LINGO2: variants seen among roughly 807,000 people sequenced by gnomAD.
LINGO2 encodes the protein leucine rich repeat and Ig domain containing 2.
In LINGO2, 14 loss-of-function variants were observed where a neutral mutation model predicts 30.6. The observed-to-expected ratio is 0.46, with a 90% CI of 0.30 to 0.72. LINGO2 has a LOEUF of 0.72. Among genes scored for constraint, LINGO2 ranks in the 30% least tolerant of loss-of-function variants. The pLI is 0.07. For missense variants in LINGO2, 729 were observed against 751.7 expected, an observed-to-expected ratio of 0.97 and a Z score of 0.35; for synonymous variants, 317 against 288.5, an observed-to-expected ratio of 1.10 and a Z score of -1.00.
chr9:28,720,743 T>C, the LINGO2 span, among the ~76,000 whole-genome samples: 30 of 152,062 alleles, frequency 2.0e-4, no homozygotes, highest in Non-Finnish European at 2.4e-4. Context: ...TGTTAGAAGA[T>C]TGGAGGAAGA....
chr9:28,827,731 G>A, the LINGO2 span, among the ~76,000 whole-genome samples: 1 of 152,048 alleles, frequency 6.6e-6, no homozygotes, highest in African/African-American at 2.4e-5. Flanking sequence ...AATTAGCAGT[G>A]ACAAATTAAA....
intron 3 of LINGO2, among the ~76,000 whole-genome samples, chr9:28,366,640 C>CA (rs1587550069): frequency 2.7e-5 from 4 of 145,690 alleles, no homozygotes; most frequent in East Asian, 2.0e-4. Context: ...TGAGGAAAAG[C>CA]AAAAGAAAAT....
chr9:28,424,980 A>C lies in LINGO2; in HGVS notation c.-279+50960T>G, dbSNP rs7028977. Reference sequence around the variant, plus strand: ...ATAAGGATAGTAATACCTGCCTTATAAAGCTATAGTGAGGACCAAATAATA... The same window carrying C: ...ATAAGGATAGTAATACCTGCCTTATCAAGCTATAGTGAGGACCAAATAATA... On this transcript the variant is annotated intron_variant, in intron 2 of 5. Coordinates refer to ENST00000379992, the Ensembl canonical transcript of LINGO2. 4.3e-3 allele frequency among the ~76,000 whole-genome samples: 653 copies of C among 152,172 alleles called. 7 individuals carry two copies. The highest frequency in any genetic ancestry group is 0.015 in the African/African-American group (604 of 41,526).
rs532001091 is a variant in LINGO2, at chr9:28,091,260, A to G, written c.-86-78855T>C. ...AAAAAAGAGCCTGCATTGCCAAGTC[A>G]ATGCTAAGCCAAAAGAACAAAGCTG... is the stretch of plus-strand genomic sequence containing the variant. On this transcript the variant is annotated intron_variant, in intron 4 of 5. Coordinates refer to ENST00000379992, the Ensembl canonical transcript of LINGO2. 1.2e-3 allele frequency among the ~76,000 whole-genome samples: 190 copies of G among 152,358 alleles called. 1 individual carries two copies. The highest frequency in any genetic ancestry group is 4.5e-3 in the African/African-American group (186 of 41,588).
intron 1 of LINGO2, among the ~76,000 whole-genome samples, chr9:28,477,282 T>G (rs1222463701): frequency 1.3e-5 from 2 of 152,144 alleles, no homozygotes; most frequent in Non-Finnish European, 2.9e-5. Context: ...TAGGGTATGA[T>G]CTAATTTAAT....
chr9:29,041,892 A>C, the LINGO2 span, among the ~76,000 whole-genome samples: 1 of 151,924 alleles, frequency 6.6e-6, no homozygotes, highest in Admixed American at 6.6e-5. Flanking sequence ...ATATTCACAC[A>C]CCCTCTATCT....
the LINGO2 span, among the ~76,000 whole-genome samples, chr9:29,206,247 T>A: frequency 6.6e-6 from 1 of 152,226 alleles, no homozygotes. Flanking sequence ...TTTCTAAGGA[T>A]AAACTTCTAA....
At chr9:28,863,782 T>A in the LINGO2 span, 1 of 382,094 alleles carries the variant, frequency 2.6e-6, no homozygotes, top group Non-Finnish European at 5.9e-6. Flanking sequence ...AGGAAGTATT[T>A]CCATCTAGTT....
chr9:28,025,109 G>T (rs1823315163), intron 4 of LINGO2, among the ~76,000 whole-genome samples: 1 of 150,478 alleles, frequency 6.6e-6, no homozygotes, highest in South Asian at 2.1e-4. Flanking sequence ...TTGATTACCG[G>T]TATCTTGACA....
chr9:28,100,703 C>T (rs114401528), intron 4 of LINGO2, among the ~76,000 whole-genome samples: 44 of 152,230 alleles, frequency 2.9e-4, no homozygotes, highest in African/African-American at 1.1e-3. Flanking sequence ...CTGTAGTTAC[C>T]TTATTCATCT....
At chr9:28,997,855 T>TAAA in the LINGO2 span, among the ~76,000 whole-genome samples, 3 of 151,690 alleles carry the variant, frequency 2.0e-5, no homozygotes, top group East Asian at 3.9e-4. Flanking sequence ...AAACTAATAA[T>TAAA]AATAGTTATA....
At chr9:28,314,725 C>T (rs1012822673) in intron 3 of LINGO2, among the ~76,000 whole-genome samples, 9 of 152,162 alleles carry the variant, frequency 5.9e-5, no homozygotes, top group Admixed American at 2.0e-4. Context: ...TGGCTCACGC[C>T]TGTAATCCCA....
intron 1 of LINGO2, among the ~76,000 whole-genome samples, chr9:28,638,807 A>G (rs375883436): frequency 1.4e-4 from 22 of 151,840 alleles, no homozygotes; most frequent in Non-Finnish European, 1.0e-4. Flanking sequence ...GGTTTTTTGT[A>G]TCTCTATTTC....
chr9:28,028,217 T>G (rs758283576), intron 4 of LINGO2, among the ~76,000 whole-genome samples: 22 of 152,174 alleles, frequency 1.4e-4, no homozygotes, highest in African/African-American at 1.9e-4. Context: ...ACCAAAGAGC[T>G]TATATTGAAC....
intron 4 of LINGO2, among the ~76,000 whole-genome samples, chr9:28,287,287 G>C (rs1587393146): frequency 1.3e-5 from 2 of 152,296 alleles, no homozygotes; most frequent in Non-Finnish European, 1.5e-5. Context: ...TAACTGAAGA[G>C]AAAATGATGC....
chr9:29,128,053 G>C, the LINGO2 span, among the ~76,000 whole-genome samples: 1 of 152,084 alleles, frequency 6.6e-6, no homozygotes, highest in Non-Finnish European at 1.5e-5. Flanking sequence ...GCATGGGAAA[G>C]CATGGCTTTA....
chr9:28,778,879 A>G, the LINGO2 span, among the ~76,000 whole-genome samples: 36,227 of 152,116 alleles, frequency 0.24, 4,412 homozygotes, highest in Non-Finnish European at 0.26. Context: ...CAGCAAATAC[A>G]TGGAAGCATT....
chr9:29,186,482 A>C, the LINGO2 span, among the ~76,000 whole-genome samples: 1 of 152,082 alleles, frequency 6.6e-6, no homozygotes, highest in Non-Finnish European at 1.5e-5. Flanking sequence ...CCAAACTTGA[A>C]ATTTTATAAC....
intron 1 of LINGO2, among the ~76,000 whole-genome samples, chr9:28,584,273 C>T (rs1824416236): frequency 6.6e-6 from 1 of 152,048 alleles, no homozygotes; most frequent in African/African-American, 2.4e-5. Flanking sequence ...TGTTTACATT[C>T]AGTATTGTTC....
Sources: gnomAD v4.1 joint callset for allele counts (sites outside exome capture counted in the v4.1 genomes callset) on GRCh38, gnomAD v4.1.1 for gene constraint, MANE v1.5 for transcripts, NCBI Gene and HGNC (gene_info 2026-07-23, HGNC 2026-07-21) for gene names.